SYT7: variants seen among roughly 807,000 people sequenced by gnomAD.
The protein encoded by SYT7 is synaptotagmin-7.
SYT7 carries 29 observed loss-of-function variants against 75.1 expected under a neutral mutation model. That is an observed-to-expected ratio of 0.39 (90% CI 0.29 to 0.53). SYT7 has a LOEUF of 0.53. Among genes scored for constraint, SYT7 ranks in the 20% least tolerant of loss-of-function variants. The pLI, the probability that SYT7 is intolerant of heterozygous loss-of-function variation, is 0.77. For missense variants in SYT7, 693 were observed against 953.2 expected (o/e 0.73, Z 3.59); for synonymous variants, 376 against 401.7 (o/e 0.94, Z 0.76).
intron 7 of SYT7, among the ~76,000 whole-genome samples, chr11:61,534,657 T>G (rs187769757): frequency 1.3e-5 from 2 of 152,248 alleles, no homozygotes; most frequent in Admixed American, 6.5e-5. Flanking sequence ...GGAGACAAAC[T>G]GAAACGGAAA....
At chr11:61,541,846 G>A (rs2135236934) in intron 6 of SYT7, among the ~76,000 whole-genome samples, 1 of 152,242 alleles carries the variant, frequency 6.6e-6, no homozygotes, top group Non-Finnish European at 1.5e-5. Context: ...AGAAGGGGGA[G>A]GAGAGAGGTC....
chr11:61,523,220 T>G lies in SYT7; in HGVS notation c.1811A>C (p.Lys604Thr), dbSNP rs149270654. ...MYKDKRVEKK[K>T]TVTMKRNLNP... ...CAGGTTCCTCTTCATCGTCACCGTC[T>G]TCTTCTTCTCCACCCGCTTGTCCTT... Residue 604 changes from lysine (K) to threonine (T), a missense_variant, in exon 12 of 13, where the codon AAG becomes ACG. By Grantham distance (78) the Lys-to-Thr change is moderately conservative. This residue lies in a region of SYT7 where 206 missense variants were observed against 360.0 expected (regional missense o/e 0.57). Transcript: ENST00000539008. The surrounding 1 kb of genome is among the most constrained non-coding windows in gnomAD (Gnocchi z 5.0). 2 of 1,614,052 alleles carry G rather than the reference T, an allele frequency of 1.2e-6. No homozygotes were observed. The highest frequency in any genetic ancestry group is 1.7e-5 in the Admixed American group (1 of 59,992).
intron 1 of SYT7, among the ~76,000 whole-genome samples, chr11:61,561,900 T>G (rs2063644445): frequency 6.6e-6 from 1 of 152,156 alleles, no homozygotes; most frequent in African/African-American, 2.4e-5. Context: ...TTGTATATGT[T>G]ATCTCATTTG....
At chr11:61,521,553 G>A (rs536784853) in intron 12 of SYT7, among the ~76,000 whole-genome samples, 1 of 152,152 alleles carries the variant, frequency 6.6e-6, no homozygotes, top group Admixed American at 6.5e-5. Flanking sequence ...CATACTCCCC[G>A]TGCCATACCT....
chr11:61,532,779 A>G (rs2135149054), intron 8 of SYT7, among the ~76,000 whole-genome samples: 1 of 152,326 alleles, frequency 6.6e-6, no homozygotes, highest in African/African-American at 2.4e-5. Context: ...TTTTGGTGAA[A>G]GAGCTGGGAA....
Position 61,517,961 on chromosome 11 carries a change from C to CCTCTCACACCCCCGGCCTCCAA in SYT7, c.*644_*665dup. 1 of 187,996 alleles carries CCTCTCACACCCCCGGCCTCCAA rather than the reference C, an allele frequency of 5.3e-6. No individual in the cohort carries two copies. The highest frequency in any genetic ancestry group is 6.2e-5 in the Admixed American group (1 of 16,190). 11.6% of individuals were successfully genotyped at this position (187,996 alleles called of 1,614,324 possible). A position where few individuals can be genotyped will look rare whatever the true frequency, so the allele number is the denominator to read the frequency against. ...ACCCCACTCAGCCCTATGGGCCTCT[C>CCTCTCACACCCCCGGCCTCCAA]CTCTCACACCCCCGGCCTCCAACCC... On this transcript the variant is annotated 3_prime_UTR_variant, in exon 13 of 13. Transcript: ENST00000539008.
chr11:61,515,486 CTTCA>C lies in SYT7; in HGVS notation c.*3137_*3140del, dbSNP rs946345446. 2.2e-5 allele frequency: 3 copies of C among 138,292 alleles called. No homozygotes were observed. The highest frequency in any genetic ancestry group is 8.1e-5 in the African/African-American group (3 of 37,158). 8.6% of individuals were successfully genotyped at this position (138,292 alleles called of 1,614,324 possible). A position where few individuals can be genotyped will look rare whatever the true frequency, so the allele number is the denominator to read the frequency against. On this transcript the variant is annotated 3_prime_UTR_variant, in exon 13 of 13. Transcript: ENST00000539008. ...TGTTTTTTTTTTTTCTTCAGTTTTT[CTTCA>C]TTTCTCTTCGCTGCAAAATTTTTTT...
intron 8 of SYT7, among the ~76,000 whole-genome samples, chr11:61,529,660 G>A (rs1395432502): frequency 6.6e-6 from 1 of 152,102 alleles, no homozygotes; most frequent in African/African-American, 2.4e-5. Context: ...TTTGAGCCAG[G>A]GTCTCGCTCT....
rs947589549 is a variant in SYT7, at chr11:61,547,376, CG to C, written c.216-69del. On this transcript the variant is annotated intron_variant, in intron 3 of 12. Coordinates refer to ENST00000539008, the MANE Select transcript of SYT7 (RefSeq NM_001365809.2). ...GAAGAAACAAGAACTGCAAGTCCTGCGGGGGCAGAAGGGACCAGGACCCCGG... is the reference window on the plus strand; with the variant it reads ...GAAGAAACAAGAACTGCAAGTCCTGCGGGGCAGAAGGGACCAGGACCCCGG... 5.9e-6 allele frequency: 9 copies of C among 1,518,020 alleles called. No homozygotes were observed. The African/African-American group carries it at 1.1e-4, about 19-fold the overall frequency. 94.0% of individuals were successfully genotyped at this position (1,518,020 alleles called of 1,614,324 possible).
At chr11:61,522,762 T>C (rs555112531) in intron 12 of SYT7, among the ~76,000 whole-genome samples, 1 of 152,272 alleles carries the variant, frequency 6.6e-6, no homozygotes, top group East Asian at 1.9e-4. Context: ...TCCAACGTCA[T>C]CATCCTGTCC....
chr11:61,537,457 G>A (rs2135195171), intron 7 of SYT7, among the ~76,000 whole-genome samples: 1 of 152,262 alleles, frequency 6.6e-6, no homozygotes, highest in Middle Eastern at 3.4e-3. Flanking sequence ...CACAGGCTAT[G>A]CCCAGTCTCC....
chr11:61,533,302 G>A (rs1047678379), intron 7 of SYT7, 178 bp from the exon 8 acceptor site: 49 of 985,418 alleles, frequency 5.0e-5, no homozygotes, highest in South Asian at 1.4e-4. Flanking sequence ...ACCCATGCCC[G>A]GGGCCCATTC....
chr11:61,545,959 G>T (rs1488641789), intron 5 of SYT7, 72 bp downstream of exon 5: 1 of 1,389,626 alleles, frequency 7.2e-7, no homozygotes, highest in Non-Finnish European at 9.7e-7. Flanking sequence ...GCATGCCAGG[G>T]GTCCCGCTGT....
chr11:61,558,684 G>A (rs1370195753), intron 1 of SYT7, among the ~76,000 whole-genome samples: 2 of 152,134 alleles, frequency 1.3e-5, no homozygotes, highest in Admixed American at 6.6e-5. Flanking sequence ...AGGACACCCA[G>A]CCAGGGGGCC....
intron 1 of SYT7, among the ~76,000 whole-genome samples, chr11:61,571,855 T>A (rs1262068006): frequency 6.6e-6 from 1 of 152,136 alleles, no homozygotes; most frequent in African/African-American, 2.4e-5. Flanking sequence ...CTCTCTGTCA[T>A]TGCCAGGTAT....
rs1321190524 is a variant in SYT7, at chr11:61,515,491, TTTCTC to T, written c.*3131_*3135del. 1.3e-5 allele frequency: 2 copies of T among 151,622 alleles called. No individual in the cohort carries two copies. The highest frequency in any genetic ancestry group is 4.8e-5 in the African/African-American group (2 of 41,292). The allele number at this position is 151,622 out of a possible 1,614,324, so 9.4% of individuals were successfully genotyped here. A position where few individuals can be genotyped will look rare whatever the true frequency, so the allele number is the denominator to read the frequency against. ...TTTTTTTTTCTTCAGTTTTTCTTCA[TTTCTC>T]TTCGCTGCAAAATTTTTTTTTTTGT... is the stretch of plus-strand genomic sequence containing the variant. On this transcript the variant is annotated 3_prime_UTR_variant, in exon 13 of 13. Transcript: ENST00000539008.
At chr11:61,530,618 C>T (rs532135790) in intron 8 of SYT7, among the ~76,000 whole-genome samples, 1 of 152,290 alleles carries the variant, frequency 6.6e-6, no homozygotes, top group African/African-American at 2.4e-5. Flanking sequence ...AGATCACTCG[C>T]CCTCCCCCTT....
At chr11:61,555,966 C>T in intron 2 of SYT7, 138 bp downstream of exon 2, 1 of 721,742 alleles carries the variant, frequency 1.4e-6, no homozygotes, top group Non-Finnish European at 2.3e-6. Context: ...TGGAAGTGCC[C>T]CTGACTATGC....
chr11:61,520,401 C>T (rs547113542), intron 12 of SYT7, among the ~76,000 whole-genome samples: 1 of 152,102 alleles, frequency 6.6e-6, no homozygotes, highest in Non-Finnish European at 1.5e-5. Flanking sequence ...TGGTACGTGC[C>T]TGGAGTCCCA....
Sources: gnomAD v4.1 joint callset for allele counts (sites outside exome capture counted in the v4.1 genomes callset) on GRCh38, gnomAD v4.1.1 for gene constraint, gnomAD v4.1.1 regional missense constraint, Gnocchi (gnomAD v3.1) non-coding constraint, MANE v1.5 for transcripts, NCBI Gene and HGNC (gene_info 2026-07-23, HGNC 2026-07-21) for gene names.